CNTN1: variants seen among roughly 807,000 people sequenced by gnomAD.
The protein encoded by CNTN1 is contactin-1.
Under a neutral mutation model 126.4 loss-of-function variants are expected in CNTN1, and 38 were observed. The ratio of observed to expected loss-of-function variants is 0.30; its 90% confidence interval spans 0.23 to 0.39. CNTN1 has a LOEUF of 0.39. CNTN1 is among the 10% of genes least tolerant of loss of function. The pLI is 1.00. For synonymous variants in CNTN1, 413 were observed against 422.6 expected (o/e 0.98, Z 0.28); for missense variants, 1,009 against 1,248.4 (o/e 0.81, Z 2.89).
intron 1 of CNTN1, among the ~76,000 whole-genome samples, chr12:40,831,723 A>G (rs765554460): frequency 6.6e-6 from 1 of 152,028 alleles, no homozygotes; most frequent in African/African-American, 2.4e-5. Context: ...CTTTCTTCTC[A>G]CAAGACAACT....
chr12:41,058,066 A>G (rs1442610381), intron 23 of CNTN1, among the ~76,000 whole-genome samples: 5 of 152,120 alleles, frequency 3.3e-5, no homozygotes, highest in African/African-American at 1.2e-4. Context: ...TAGGGAGTAT[A>G]GAGGGAGAGA....
intron 9 of CNTN1, among the ~76,000 whole-genome samples, chr12:40,935,921 T>A (rs1201376810): frequency 6.6e-6 from 1 of 152,084 alleles, no homozygotes; most frequent in African/African-American, 2.4e-5. Context: ...ATAAGATGCA[T>A]ATATTGCTTT....
chr12:40,932,033 A>G (rs1444016556), intron 7 of CNTN1, among the ~76,000 whole-genome samples: 2 of 151,916 alleles, frequency 1.3e-5, no homozygotes, highest in African/African-American at 4.8e-5. Context: ...ACTGTCTTCT[A>G]TATTTCTCCT....
At chr12:41,055,084 C>T (rs745931492) in intron 23 of CNTN1, among the ~76,000 whole-genome samples, 26 of 151,974 alleles carry the variant, frequency 1.7e-4, no homozygotes, top group Non-Finnish European at 3.2e-4. Flanking sequence ...TATGTATTTG[C>T]CTTCTATAAA....
At chr12:40,806,871 T>C (rs550697736) in intron 1 of CNTN1, among the ~76,000 whole-genome samples, 132 of 152,150 alleles carry the variant, frequency 8.7e-4, no homozygotes, top group Non-Finnish European at 1.6e-3. Context: ...GATTACCTTG[T>C]AGTCTGAGCT....
chr12:40,789,404 A>C lies in CNTN1; in HGVS notation c.-77+96812A>C, dbSNP rs1940146723. Among the ~76,000 whole-genome samples the C allele has an allele frequency of 1.2e-3, 2 of 1,632 alleles. 1 individual carries two copies. The highest frequency in any genetic ancestry group is 2.1e-3 in the African/African-American group (2 of 964). The allele number at this position is 1,632 out of a possible 152,430, so 1.1% of individuals were successfully genotyped here. On this transcript the variant is annotated intron_variant, in intron 1 of 23. Coordinates refer to ENST00000551295, the MANE Select transcript of CNTN1 (RefSeq NM_001843.4). ...CATACTGTTGCAATGAAAACAACCTAAAGAAATTGAAATTTGAATTCTGAA... is the reference window on the plus strand; with the variant it reads ...CATACTGTTGCAATGAAAACAACCTCAAGAAATTGAAATTTGAATTCTGAA...
At chr12:40,786,033 G>A (rs1333612926) in intron 1 of CNTN1, among the ~76,000 whole-genome samples, 2 of 152,176 alleles carry the variant, frequency 1.3e-5, no homozygotes, top group Non-Finnish European at 2.9e-5. Flanking sequence ...CGCACATTGT[G>A]TCTTATGACA....
chr12:41,043,387 A>AC (rs1949464787), intron 23 of CNTN1, among the ~76,000 whole-genome samples: 1 of 151,912 alleles, frequency 6.6e-6, no homozygotes, highest in Admixed American at 6.6e-5. Context: ...GCAGCCAAAA[A>AC]ACATGAAAAA....
rs543985875 is a variant in CNTN1 at position 40,928,705 on chromosome 12, T to C, written c.497-1091T>C. Reference sequence around the variant, plus strand: ...GAAAATTACATAGCTAAGCTAAATATAATGCCCAGGTTATTATTCCCAATT... The same window carrying C: ...GAAAATTACATAGCTAAGCTAAATACAATGCCCAGGTTATTATTCCCAATT... On this transcript the variant is annotated intron_variant, in intron 6 of 23. Coordinates refer to ENST00000551295, the MANE Select transcript of CNTN1 (RefSeq NM_001843.4). Among the ~76,000 whole-genome samples the C allele has an allele frequency of 2.0e-5, 3 of 152,206 alleles. No homozygotes were observed. In the South Asian group the frequency reaches 6.2e-4, roughly 32 times the overall value.
At chr12:40,965,294 T>A (rs1433172560) in intron 15 of CNTN1, among the ~76,000 whole-genome samples, 2 of 152,160 alleles carry the variant, frequency 1.3e-5, no homozygotes, top group African/African-American at 4.8e-5. Flanking sequence ...GTATTTTCCA[T>A]CTACATGGTG....
At chr12:41,023,513 C>A (rs1592420389) in intron 20 of CNTN1, among the ~76,000 whole-genome samples, 1 of 152,220 alleles carries the variant, frequency 6.6e-6, no homozygotes, top group East Asian at 1.9e-4. Flanking sequence ...GAACTTTGGG[C>A]TCTTGCCCAG....
At chr12:40,881,349 C>T (rs1442315731) in intron 1 of CNTN1, among the ~76,000 whole-genome samples, 2 of 151,766 alleles carry the variant, frequency 1.3e-5, no homozygotes, top group Non-Finnish European at 3.0e-5. Flanking sequence ...GGGTGATATT[C>T]ATGTGCAAAA....
rs184710645 is a variant in CNTN1, at chr12:40,963,346, T to G, written c.1804+4112T>G. ...ACTTATAGAAGATTTTAGTGAAAGT[T>G]TATTTTTTTCCTATGAAGAACACAT... On this transcript the variant is annotated intron_variant, in intron 15 of 23. Transcript: ENST00000551295. Among the ~76,000 whole-genome samples, 455 of 152,166 alleles carry G rather than the reference T, an allele frequency of 3.0e-3. 4 individuals are homozygous for G. The highest frequency in any genetic ancestry group is 8.1e-3 in the South Asian group (39 of 4,826).
intron 15 of CNTN1, among the ~76,000 whole-genome samples, chr12:40,960,424 T>A (rs1306253761): frequency 6.6e-6 from 1 of 152,082 alleles, no homozygotes; most frequent in Non-Finnish European, 1.5e-5. Flanking sequence ...TTGTTTATTT[T>A]AATTCTCCTT....
intron 1 of CNTN1, among the ~76,000 whole-genome samples, chr12:40,799,801 T>C (rs973730586): frequency 6.6e-6 from 1 of 152,040 alleles, no homozygotes; most frequent in Admixed American, 6.6e-5. Flanking sequence ...TTTTTCATGT[T>C]CTTTCATTTA....
At chr12:41,059,407 C>G (rs1949893003) in intron 23 of CNTN1, among the ~76,000 whole-genome samples, 1 of 152,122 alleles carries the variant, frequency 6.6e-6, no homozygotes, top group Non-Finnish European at 1.5e-5. Flanking sequence ...GCTATTGAGG[C>G]TTTTAGAAAC....
chr12:40,798,186 G>A (rs1940516479), intron 1 of CNTN1, among the ~76,000 whole-genome samples: 1 of 151,942 alleles, frequency 6.6e-6, no homozygotes, highest in Non-Finnish European at 1.5e-5. Context: ...CACTGGGAAA[G>A]GAGACTGCAA....
At chr12:40,905,909 C>T (rs556943268) in intron 1 of CNTN1, among the ~76,000 whole-genome samples, 125 of 152,262 alleles carry the variant, frequency 8.2e-4, no homozygotes, top group African/African-American at 2.8e-3. Flanking sequence ...ATGTAGATAA[C>T]GATGTCATGC....
At chr12:40,786,400 C>T (rs949706326) in intron 1 of CNTN1, among the ~76,000 whole-genome samples, 11 of 152,148 alleles carry the variant, frequency 7.2e-5, no homozygotes, top group African/African-American at 2.7e-4. Flanking sequence ...ATGAAATTCT[C>T]AACAACTCTG....
Sources: gnomAD v4.1 joint callset for allele counts (sites outside exome capture counted in the v4.1 genomes callset) on GRCh38, gnomAD v4.1.1 for gene constraint, MANE v1.5 for transcripts, NCBI Gene and HGNC (gene_info 2026-07-23, HGNC 2026-07-21) for gene names.